Variants in ZFAND3 observed in about 807,000 individuals in gnomAD.
ZFAND3 encodes zinc finger AN1-type containing 3.
In ZFAND3, 10 loss-of-function variants were observed where a neutral mutation model predicts 29.6. The observed-to-expected ratio is 0.34, with a 90% CI of 0.21 to 0.57. The LOEUF (loss-of-function observed/expected upper bound fraction) is 0.57, where lower values mean the gene tolerates loss of function less well. Ranked by LOEUF, ZFAND3 falls within the 20% of genes least tolerant of loss-of-function variation. The pLI is 0.86. For missense variants in ZFAND3, 230 were observed against 304.5 expected, an observed-to-expected ratio of 0.76 and a Z score of 1.82; for synonymous variants, 128 against 112.6, an observed-to-expected ratio of 1.14 and a Z score of -0.87.
At position 38,153,728 on chromosome 6, in the gene ZFAND3, G is replaced by A; in HGVS notation, c.*1339G>A. 1 of 985,484 alleles carries A rather than the reference G, an allele frequency of 1.0e-6. No individual in the cohort carries two copies. The highest frequency in any genetic ancestry group is 1.2e-6 in the Non-Finnish European group (1 of 830,002). 61.0% of individuals were successfully genotyped at this position (985,484 alleles called of 1,614,324 possible). On this transcript the variant is annotated 3_prime_UTR_variant, in exon 6 of 6. Transcript: ENST00000287218. ...TAGGAAATCACTACCAGTCAGGTGG[G>A]GCTGGGGCTGGGTGGACAGGATCAG...
At chr6:37,999,182 C>T (rs796428810) in intron 2 of ZFAND3, among the ~76,000 whole-genome samples, 2 of 152,218 alleles carry the variant, frequency 1.3e-5, no homozygotes, top group Admixed American at 6.5e-5. Context: ...GAAGAGCTCC[C>T]AGTGGCCCAA....
chr6:37,890,306 T>C (rs148020604), intron 1 of ZFAND3, among the ~76,000 whole-genome samples: 50 of 152,328 alleles, frequency 3.3e-4, no homozygotes, highest in Admixed American at 1.4e-3. Flanking sequence ...TTGACTATTA[T>C]CAAATTTGAG....
intron 1 of ZFAND3, among the ~76,000 whole-genome samples, chr6:37,849,203 G>A (rs544547925): frequency 3.3e-5 from 5 of 152,082 alleles, no homozygotes; most frequent in South Asian, 2.1e-4. Flanking sequence ...TGGGAGAGAC[G>A]GGGGAGGACC....
At chr6:37,940,013 C>T (rs1315182325) in intron 2 of ZFAND3, among the ~76,000 whole-genome samples, 1 of 152,060 alleles carries the variant, frequency 6.6e-6, no homozygotes, top group African/African-American at 2.4e-5. Context: ...GCACTCCAGC[C>T]TGGGCGACAG....
chr6:38,041,657 T>C (rs1199854445), intron 2 of ZFAND3, among the ~76,000 whole-genome samples: 4 of 21,916 alleles, frequency 1.8e-4, no homozygotes, highest in African/African-American at 5.2e-4. Context: ...TTCTTCTTCT[T>C]CTTCTTCTTC....
intron 2 of ZFAND3, among the ~76,000 whole-genome samples, chr6:37,953,557 A>G (rs919800460): frequency 2.7e-5 from 4 of 150,128 alleles, no homozygotes; most frequent in East Asian, 3.9e-4. Flanking sequence ...GGCTGAAGCA[A>G]TCATCTCATC....
At chr6:37,823,075 C>T (rs1402545105) in intron 1 of ZFAND3, among the ~76,000 whole-genome samples, 1 of 152,094 alleles carries the variant, frequency 6.6e-6, no homozygotes, top group East Asian at 1.9e-4. Context: ...ATGTGAAAGA[C>T]TATTGGTGGT....
At chr6:37,997,407 G>T (rs1473865948) in intron 2 of ZFAND3, among the ~76,000 whole-genome samples, 1 of 152,206 alleles carries the variant, frequency 6.6e-6, no homozygotes, top group Non-Finnish European at 1.5e-5. Context: ...AGGAACACCT[G>T]TTGACTCTGA....
intron 2 of ZFAND3, among the ~76,000 whole-genome samples, chr6:37,986,049 A>T (rs1014161672): frequency 6.6e-6 from 1 of 152,234 alleles, no homozygotes; most frequent in African/African-American, 2.4e-5. Flanking sequence ...ACACAAAAGT[A>T]GACATTGTCT....
chr6:38,103,544 T>C (rs1003691110), intron 4 of ZFAND3, among the ~76,000 whole-genome samples: 2 of 124,582 alleles, frequency 1.6e-5, no homozygotes, highest in Non-Finnish European at 1.8e-5. Context: ...CACACACACA[T>C]ACATACATAC....
chr6:37,825,671 G>T (rs58294694), intron 1 of ZFAND3, among the ~76,000 whole-genome samples: 3 of 152,160 alleles, frequency 2.0e-5, no homozygotes, highest in East Asian at 1.9e-4. Context: ...AAATAGAAGA[G>T]AATTCTAAAC....
chr6:37,861,114 A>G (rs1276736496), intron 1 of ZFAND3, among the ~76,000 whole-genome samples: 1 of 152,118 alleles, frequency 6.6e-6, no homozygotes, highest in Non-Finnish European at 1.5e-5. Context: ...AAAATTAGCC[A>G]GGCATGGTGG....
At chr6:37,965,937 A>C (rs1274933547) in intron 2 of ZFAND3, among the ~76,000 whole-genome samples, 1 of 151,804 alleles carries the variant, frequency 6.6e-6, no homozygotes, top group Non-Finnish European at 1.5e-5. Context: ...TAATGTTTAT[A>C]TTTTTTGTAG....
chr6:37,854,765 C>A, intron 1 of ZFAND3, among the ~76,000 whole-genome samples: 1 of 7,174 alleles, frequency 1.4e-4, no homozygotes, highest in Non-Finnish European at 2.9e-4. Flanking sequence ...GGCTAAAATG[C>A]CCCCCCCCCC....
At chr6:37,922,453 A>G (rs1000115853) in intron 1 of ZFAND3, among the ~76,000 whole-genome samples, 15 of 152,238 alleles carry the variant, frequency 9.9e-5, no homozygotes, top group Admixed American at 7.2e-4. Flanking sequence ...TGAAAAAATG[A>G]TATCTGTAGA....
At chr6:37,835,515 A>G (rs1275045010) in intron 1 of ZFAND3, among the ~76,000 whole-genome samples, 2 of 148,242 alleles carry the variant, frequency 1.3e-5, no homozygotes, top group African/African-American at 5.0e-5. Flanking sequence ...TTTTTTAGAT[A>G]GCATGTACAT....
chr6:37,896,548 TTC>T (rs1765213046), intron 1 of ZFAND3, among the ~76,000 whole-genome samples: 3 of 129,942 alleles, frequency 2.3e-5, no homozygotes, highest in African/African-American at 6.8e-5. Flanking sequence ...CTTTCTTTCT[TTC>T]TTTCTTTCTT....
At chr6:38,126,531 G>T (rs1765638445) in intron 5 of ZFAND3, among the ~76,000 whole-genome samples, 1 of 152,134 alleles carries the variant, frequency 6.6e-6, no homozygotes, top group African/African-American at 2.4e-5. Flanking sequence ...TAGGGTTCCA[G>T]TTTCTTCCTG....
At chr6:37,995,296 T>TTG (rs906596719) in intron 2 of ZFAND3, among the ~76,000 whole-genome samples, 25 of 152,300 alleles carry the variant, frequency 1.6e-4, no homozygotes, top group African/African-American at 5.5e-4. Flanking sequence ...ACATTCATAA[T>TTG]TGTAGGGGCA....
Sources: gnomAD v4.1 joint callset for allele counts (sites outside exome capture counted in the v4.1 genomes callset) on GRCh38, gnomAD v4.1.1 for gene constraint, MANE v1.5 for transcripts, NCBI Gene and HGNC (gene_info 2026-07-23, HGNC 2026-07-21) for gene names.